SOX5: variants seen among roughly 807,000 people sequenced by gnomAD.
SOX5 encodes the protein transcription factor SOX-5.
SOX5 carries 9 observed loss-of-function variants against 92.0 expected under a neutral mutation model. The ratio of observed to expected loss-of-function variants is 0.10; its 90% CI spans 0.06 to 0.17. The LOEUF (loss-of-function observed/expected upper bound fraction) is 0.17, where lower values mean the gene tolerates loss of function less well. Among genes scored for constraint, SOX5 ranks in the 10% least tolerant of loss-of-function variants. The probability of loss-of-function intolerance (pLI) is 1.00; values close to 1 mark genes in which losing one functional copy is unlikely to be tolerated. For missense variants in SOX5, 642 were observed against 944.5 expected (o/e 0.68, Z 4.20); for synonymous variants, 344 against 336.3 (o/e 1.02, Z -0.25).
In SOX5 at chr12:23,531,367, G is replaced by C. The variant is rs1229246713; in HGVS notation, c.*2852C>G. 3 of 152,002 alleles carry C rather than the reference G, an allele frequency of 2.0e-5. No individual in the cohort carries two copies. Among genetic ancestry groups the C allele is most frequent in the Non-Finnish European group, 2.9e-5 (2 of 67,982 alleles). 9.4% of individuals were successfully genotyped at this position (152,002 alleles called of 1,614,324 possible). A position where few individuals can be genotyped will look rare whatever the true frequency, so the allele number is the denominator to read the frequency against. On this transcript the variant is annotated 3_prime_UTR_variant, in exon 15 of 15. Coordinates refer to ENST00000451604, the MANE Select transcript of SOX5 (RefSeq NM_006940.6). The stretch of plus-strand genomic sequence containing the variant: ...ATAAAACAAAATATAACAAAAAAAA[G>C]ACCAAACACCAAAGTGTTGTCAATT...
intron 6 of SOX5, among the ~76,000 whole-genome samples, chr12:23,725,601 G>T (rs1277707642): frequency 1.3e-5 from 2 of 152,144 alleles, no homozygotes; most frequent in South Asian, 2.1e-4. Flanking sequence ...TGGAACTGGG[G>T]TTTCTGACTC....
At chr12:24,270,156 G>A (rs1295665657) in intron 3 of SOX5, among the ~76,000 whole-genome samples, 1 of 152,024 alleles carries the variant, frequency 6.6e-6, no homozygotes, top group Non-Finnish European at 1.5e-5. Flanking sequence ...CCACCTCCCG[G>A]GTTCAAGCAA....
At chr12:24,373,606 A>G (rs1956958868) in intron 1 of SOX5, among the ~76,000 whole-genome samples, 1 of 152,178 alleles carries the variant, frequency 6.6e-6, no homozygotes, top group African/African-American at 2.4e-5. Context: ...TACATTTATA[A>G]AGTAGAATGT....
intron 1 of SOX5, among the ~76,000 whole-genome samples, chr12:24,389,211 G>A (rs982162868): frequency 2.0e-5 from 3 of 151,958 alleles, no homozygotes; most frequent in African/African-American, 7.3e-5. Context: ...GCGGTGTTTG[G>A]TTTTTTGTTC....
chr12:23,950,648 C>T (rs985089914), upstream of SOX5, among the ~76,000 whole-genome samples: 2 of 152,170 alleles, frequency 1.3e-5, no homozygotes, highest in Non-Finnish European at 2.9e-5. Context: ...GGAAGCGCCC[C>T]CCTGGCTGTG....
chr12:24,369,482 C>A (rs1956504717), intron 1 of SOX5, among the ~76,000 whole-genome samples: 1 of 152,188 alleles, frequency 6.6e-6, no homozygotes, highest in Non-Finnish European at 1.5e-5. Context: ...GCTCCCCTGG[C>A]TGGCAATGCT....
chr12:23,754,139 A>T (rs995012272), intron 4 of SOX5, among the ~76,000 whole-genome samples: 2 of 151,854 alleles, frequency 1.3e-5, no homozygotes, highest in African/African-American at 4.8e-5. Context: ...TGAAAGGGAC[A>T]GCTGAGCTTT....
intron 1 of SOX5, among the ~76,000 whole-genome samples, chr12:23,942,908 C>T (rs1387158078): frequency 6.6e-5 from 10 of 152,040 alleles, no homozygotes; most frequent in Non-Finnish European, 1.3e-4. Context: ...CTAAAACACA[C>T]TTTCTTTCAA....
intron 4 of SOX5, among the ~76,000 whole-genome samples, chr12:24,194,304 G>C (rs1435027747): frequency 6.6e-6 from 1 of 152,086 alleles, no homozygotes; most frequent in African/African-American, 2.4e-5. Context: ...TCTGTATTTA[G>C]AGAACCTATT....
intron 4 of SOX5, among the ~76,000 whole-genome samples, chr12:24,079,642 T>C (rs1297851711): frequency 6.6e-6 from 1 of 151,932 alleles, no homozygotes; most frequent in Non-Finnish European, 1.5e-5. Context: ...TTGGGTCCAA[T>C]ATGTATACTA....
chr12:24,214,337 A>C (rs1023038266), intron 3 of SOX5, among the ~76,000 whole-genome samples: 7 of 152,132 alleles, frequency 4.6e-5, no homozygotes, highest in African/African-American at 1.4e-4. Context: ...GTTTTTGCAA[A>C]TTTATCTAAC....
chr12:23,893,295 A>T (rs916546305), intron 2 of SOX5, among the ~76,000 whole-genome samples: 1 of 151,998 alleles, frequency 6.6e-6, no homozygotes, highest in African/African-American at 2.4e-5. Flanking sequence ...AAAATATAAA[A>T]ATTAGCTGGG....
chr12:23,906,400 G>A (rs2097293796), intron 1 of SOX5, among the ~76,000 whole-genome samples: 1 of 152,232 alleles, frequency 6.6e-6, no homozygotes, highest in South Asian at 2.1e-4. Context: ...TCCACAGGAT[G>A]TGGAGGGATG....
At chr12:24,366,575 T>C (rs16927535) in intron 2 of SOX5, among the ~76,000 whole-genome samples, 15,781 of 152,164 alleles carry the variant, frequency 0.1, 1,008 homozygotes, top group African/African-American at 0.17. Flanking sequence ...AATTCAGAAG[T>C]TAGATCTGTG....
At chr12:24,384,198 C>G (rs760643924) in intron 1 of SOX5, among the ~76,000 whole-genome samples, 2 of 152,154 alleles carry the variant, frequency 1.3e-5, no homozygotes, top group Non-Finnish European at 2.9e-5. Context: ...CAGACTAACA[C>G]AGTTAGATTC....
At chr12:24,233,039 T>G (rs982317800) in intron 3 of SOX5, among the ~76,000 whole-genome samples, 5 of 152,152 alleles carry the variant, frequency 3.3e-5, no homozygotes, top group Non-Finnish European at 5.9e-5. Context: ...AGTTTTTGAG[T>G]AGGCTTTAGG....
chr12:24,106,747 G>A (rs889226742), intron 4 of SOX5, among the ~76,000 whole-genome samples: 1 of 150,364 alleles, frequency 6.7e-6, no homozygotes, highest in African/African-American at 2.4e-5. Flanking sequence ...AGCCGAGATC[G>A]TGCCACTGCA....
At chr12:24,114,728 T>G (rs1947799106) in intron 4 of SOX5, among the ~76,000 whole-genome samples, 1 of 151,958 alleles carries the variant, frequency 6.6e-6, no homozygotes. Context: ...AAGGGTCTTT[T>G]GAAGCCAGTT....
At chr12:24,064,035 A>T (rs1389892154) in intron 4 of SOX5, among the ~76,000 whole-genome samples, 1 of 152,226 alleles carries the variant, frequency 6.6e-6, no homozygotes, top group Non-Finnish European at 1.5e-5. Flanking sequence ...AAACTGTAAG[A>T]TCCTTAAGCT....
Sources: allele counts gnomAD v4.1 joint callset (sites outside exome capture counted in the v4.1 genomes callset), GRCh38; gene constraint gnomAD v4.1.1; transcripts MANE v1.5; gene names NCBI Gene and HGNC (gene_info 2026-07-23, HGNC 2026-07-21).